PRKDC: variants seen among roughly 807,000 people sequenced by gnomAD.
PRKDC encodes DNA-dependent protein kinase catalytic subunit.
PRKDC carries 82 observed loss-of-function variants against 486.9 expected under a neutral mutation model. The ratio of observed to expected loss-of-function variants is 0.17; its 90% CI spans 0.14 to 0.20. The LOEUF is 0.20. PRKDC is among the 10% of genes least tolerant of loss of function. PRKDC has a pLI of 1.00. For synonymous variants in PRKDC, 1,895 were observed against 1,837.0 expected, an observed-to-expected ratio of 1.03 and a Z score of -0.81; for missense variants, 4,504 against 5,038.2, an observed-to-expected ratio of 0.89 and a Z score of 3.21.
At chr8:47,857,403 G>A (rs957913335) in intron 48 of PRKDC, 104 bp from the exon 49 acceptor site, 2 of 1,304,378 alleles carry the variant, frequency 1.5e-6, no homozygotes, top group African/African-American at 3.0e-5. Context: ...TACTATGACT[G>A]GACCTAAAGC....
Position 47,935,031 on chromosome 8 carries a change from G to A in PRKDC, c.1475C>T (p.Ser492Phe), listed in dbSNP as rs1201453754. The change falls in exon 14 of 86, where the codon TCT (serine) becomes TTT (phenylalanine). Residue 492 changes from serine to phenylalanine, a missense_variant. Ser to Phe is a radical substitution (Grantham distance 155, BLOSUM62 -2). Coordinates refer to ENST00000314191, the MANE Select transcript of PRKDC (RefSeq NM_006904.7). ...VVHQGLIRIC[S>F]KPVVLPKGPE... ...TACCTTTGGAAGGACCACTGGTTTA[G>A]AACATATTCTGATTAAACCCTGATG... 3 of 1,521,774 alleles carry A rather than the reference G, an allele frequency of 2.0e-6. No individual in the cohort carries two copies. The African/African-American group carries it at 4.2e-5, about 21-fold the overall frequency. The allele number at this position is 1,521,774 out of a possible 1,614,324, so 94.3% of individuals were successfully genotyped here.
chr8:47,927,736 G>A (rs757220548), intron 20 of PRKDC, 35 bp downstream of exon 20: 5 of 1,471,212 alleles, frequency 3.4e-6, no homozygotes, highest in Admixed American at 2.7e-5. Context: ...TCACAACAGC[G>A]ATGAAGAGAT....
At chr8:47,888,324 A>T (rs1291160121) in intron 34 of PRKDC, among the ~76,000 whole-genome samples, 194 bp downstream of exon 34, 1 of 152,136 alleles carries the variant, frequency 6.6e-6, no homozygotes, top group Non-Finnish European at 1.5e-5. Context: ...AAATTTTTAC[A>T]TTTGCTTTCA....
rs8178207 is a variant in PRKDC, at chr8:47,817,617, A to AC, written c.9446-57dup. ...CACAGCTCAATTATAAGATCAAATG[A>AC]CAAAGGTCATTATCAGTAAATAGAA... On this transcript the variant is annotated intron_variant, in intron 67 of 85. Transcript: ENST00000314191. The AC allele has an allele frequency of 2.9e-3, 3,266 of 1,134,912 alleles. 67 individuals are homozygous for AC. In the African/African-American group the frequency reaches 0.046, roughly 16 times the overall value. 70.3% of individuals were successfully genotyped at this position (1,134,912 alleles called of 1,614,324 possible). A position where few individuals can be genotyped will look rare whatever the true frequency, so the allele number is the denominator to read the frequency against.
At position 47,818,362 on chromosome 8, in the gene PRKDC, G is replaced by A. The variant is rs574107560; in HGVS notation, c.9446-801C>T. The stretch of plus-strand genomic sequence containing the variant: ...TGGGAGGCCGAGGCGGGCGGATCAC[G>A]AGGTCAGGAGATCGAGACCATCCTG... On this transcript the variant is annotated intron_variant, in intron 67 of 85. Coordinates refer to ENST00000314191, the MANE Select transcript of PRKDC (RefSeq NM_006904.7). 3.8e-4 allele frequency among the ~76,000 whole-genome samples: 58 copies of A among 151,946 alleles called. 3 individuals are homozygous for A. In the South Asian group the frequency reaches 0.01, roughly 27 times the overall value.
Position 47,774,218 on chromosome 8 carries a change from G to C in PRKDC, c.12342C>G (p.Pro4114=). The change falls in exon 86 of 86, where the codon CCC becomes CCG. Residue 4114 remains proline (P), a synonymous_variant. Transcript: ENST00000314191. ...VKCLMDQATD[P]NILGRTWEGW... ...CTTCCCAGGTTCTGCCAAGGATGTT[G>C]GGGTCTGTTGCCTGGTCCATCAGGC... The C allele has an allele frequency of 1.9e-6, 3 of 1,596,790 alleles. No individual in the cohort carries two copies. The highest frequency in any genetic ancestry group is 2.6e-6 in the Non-Finnish European group (3 of 1,171,514).
rs1482334256 is a variant in PRKDC at position 47,889,114 on chromosome 8, G to A, written c.4180C>T (p.His1394Tyr). 2.9e-5 allele frequency: 47 copies of A among 1,613,852 alleles called. No homozygotes were observed. In the East Asian group the frequency reaches 4.0e-4, roughly 14 times the overall value. ...FNIGDVQVMA[H>Y]LPDVCVNLMK... ...AGATTCACACAAACATCAGGAAGAT[G>A]AGCCATAACCTGGACGTCTCCGATG... is the stretch of plus-strand genomic sequence containing the variant. The change falls in exon 33 of 86, where the codon CAT (histidine) becomes TAT (tyrosine). Residue 1394 changes from histidine (H) to tyrosine (Y), a missense_variant. By Grantham distance (83) the His-to-Tyr change is moderately conservative. Transcript: ENST00000314191.
At chr8:47,840,469 T>A (rs2088114389) in intron 54 of PRKDC, among the ~76,000 whole-genome samples, 1 of 152,224 alleles carries the variant, frequency 6.6e-6, no homozygotes, top group Non-Finnish European at 1.5e-5. Flanking sequence ...AATAGTAATG[T>A]TCTAATGTTA....
At chr8:47,778,953 T>G (rs941239206) in intron 81 of PRKDC, 51 bp downstream of exon 81, 1 of 1,474,654 alleles carries the variant, frequency 6.8e-7, no homozygotes, top group Non-Finnish European at 9.2e-7. Context: ...AACATGCAAT[T>G]TGCAGAAGAA....
At chr8:47,844,247 T>C (rs2088217824) in intron 54 of PRKDC, among the ~76,000 whole-genome samples, 1 of 152,258 alleles carries the variant, frequency 6.6e-6, no homozygotes, top group African/African-American at 2.4e-5. Context: ...CAGTCACTAT[T>C]CTTTTATCAG....
chr8:47,955,999 A>C, intron 3 of PRKDC, 51 bp from the exon 4 acceptor site: 3 of 1,306,082 alleles, frequency 2.3e-6, no homozygotes, highest in Middle Eastern at 4.2e-4. Context: ...TATAAAAACT[A>C]AGACTCAGCA....
intron 22 of PRKDC, among the ~76,000 whole-genome samples, chr8:47,918,007 G>A (rs2090014224): frequency 6.6e-6 from 1 of 152,032 alleles, no homozygotes. Flanking sequence ...ACCACACCCA[G>A]CTAATTTTTT....
chr8:47,817,374 C>A (rs2087469603), intron 68 of PRKDC, 76 bp downstream of exon 68: 2 of 1,078,778 alleles, frequency 1.9e-6, no homozygotes, highest in African/African-American at 1.6e-5. Context: ...TTTCTCTAAA[C>A]CATGGTTTGG....
intron 78 of PRKDC, among the ~76,000 whole-genome samples, chr8:47,783,278 C>CA (rs1182413636): frequency 2.5e-3 from 137 of 55,854 alleles, no homozygotes; most frequent in East Asian, 3.8e-3. Flanking sequence ...ACTCTTGTCT[C>CA]AAAAAAAAAA....
chr8:47,845,317 A>C (rs1319702320), intron 54 of PRKDC, among the ~76,000 whole-genome samples: 3 of 152,330 alleles, frequency 2.0e-5, no homozygotes, highest in South Asian at 2.1e-4. Context: ...TGTGATCCAA[A>C]AATCTACACA....
intron 49 of PRKDC, 45 bp downstream of exon 49, chr8:47,857,111 T>C (rs1366201989): frequency 6.3e-7 from 1 of 1,583,770 alleles, no homozygotes; most frequent in African/African-American, 1.3e-5. Flanking sequence ...TATAGGCTAT[T>C]GGCAAAGGAT....
At chr8:47,790,994 C>T (rs573675269) in intron 74 of PRKDC, among the ~76,000 whole-genome samples, 1 of 152,290 alleles carries the variant, frequency 6.6e-6, no homozygotes, top group Admixed American at 6.5e-5. Context: ...CTCTCCAGGA[C>T]ACTGGTCTGG....
Position 47,817,466 on chromosome 8 carries a change from C to T in PRKDC, c.9541G>A (p.Asp3181Asn). Residue 3181 changes from aspartate to asparagine, a missense_variant, in exon 68 of 86, where the codon GAC (aspartate) becomes AAC (asparagine). Physicochemically the swap from Asp to Asn is conservative, Grantham distance 23. This residue lies in a region of PRKDC where 1,592 missense variants were observed against 1,724.6 expected (regional missense o/e 0.92). Transcript: ENST00000314191. Reference protein sequence around the residue: ...AKMDPMNIWDDIITNRCFFLS... With the variant: ...AKMDPMNIWDNIITNRCFFLS... ...ACGTCTTACCGATTTGTGATGATGTCATCCCAGATGTTCATTGGGTCCATT... is the reference window on the plus strand; with the variant it reads ...ACGTCTTACCGATTTGTGATGATGTTATCCCAGATGTTCATTGGGTCCATT... 2 of 1,601,218 alleles carry T rather than the reference C, an allele frequency of 1.2e-6. No individual in the cohort carries two copies. Among genetic ancestry groups the T allele is most frequent in the Non-Finnish European group, 1.7e-6 (2 of 1,172,102 alleles).
chr8:47,814,903 C>T (rs900895523), intron 68 of PRKDC, among the ~76,000 whole-genome samples: 2 of 152,112 alleles, frequency 1.3e-5, no homozygotes, highest in African/African-American at 4.8e-5. Context: ...TGGTTCATGC[C>T]TGTAATCCCA....
Sources: gnomAD v4.1 joint callset for allele counts (sites outside exome capture counted in the v4.1 genomes callset) on GRCh38, gnomAD v4.1.1 for gene constraint, gnomAD v4.1.1 regional missense constraint, MANE v1.5 for transcripts, NCBI Gene and HGNC (gene_info 2026-07-23, HGNC 2026-07-21) for gene names.